DSE: variants seen among roughly 807,000 people sequenced by gnomAD.
DSE encodes dermatan sulfate epimerase, also known as dermatan-sulfate epimerase.
DSE carries 36 observed loss-of-function variants against 84.4 expected under a neutral mutation model. That is an observed-to-expected ratio of 0.43 (90% CI 0.33 to 0.56). DSE has a LOEUF of 0.56. Among genes scored for constraint, DSE ranks in the 20% least tolerant of loss-of-function variants. The pLI is 0.06. For synonymous variants in DSE, 410 were observed against 430.1 expected, an observed-to-expected ratio of 0.95 and a Z score of 0.58; for missense variants, 862 against 1,169.6, an observed-to-expected ratio of 0.74 and a Z score of 3.84.
chr6:116,323,227 G>A (rs1776430780), intron 2 of DSE, among the ~76,000 whole-genome samples: 1 of 152,080 alleles, frequency 6.6e-6, no homozygotes, highest in African/African-American at 2.4e-5. Flanking sequence ...TTTAAAATAT[G>A]TATTTTTTTC....
intron 2 of DSE, among the ~76,000 whole-genome samples, chr6:116,270,126 T>C (rs1356910941): frequency 1.3e-5 from 2 of 152,188 alleles, no homozygotes; most frequent in Non-Finnish European, 2.9e-5. Flanking sequence ...GATTACACCT[T>C]GTAAACATTC....
At chr6:116,288,738 T>C (rs896337809) in intron 2 of DSE, among the ~76,000 whole-genome samples, 1 of 152,144 alleles carries the variant, frequency 6.6e-6, no homozygotes, top group Non-Finnish European at 1.5e-5. Flanking sequence ...GCTGCTATAT[T>C]GGATCTCATG....
At chr6:116,418,417 C>T (rs575466138) in intron 2 of DSE, among the ~76,000 whole-genome samples, 1 of 152,188 alleles carries the variant, frequency 6.6e-6, no homozygotes, top group Admixed American at 6.5e-5. Context: ...GAACCACCAT[C>T]CCCTGGACCA....
chr6:116,328,252 GT>G (rs1040992254), intron 2 of DSE, among the ~76,000 whole-genome samples: 1 of 152,162 alleles, frequency 6.6e-6, no homozygotes, highest in African/African-American at 2.4e-5. Context: ...ATTCAATGCT[GT>G]TTTTTCCAGT....
rs558169619 is a variant in DSE, at chr6:116,331,740, C to T, written c.-53-67458C>T. The stretch of plus-strand genomic sequence containing the variant: ...TTGGGAGGCAGAGGCAAGCAGATCA[C>T]GAAGTCAGGGAATCGAGACCATCAT... On this transcript the variant is annotated intron_variant, in intron 2 of 3. Coordinates refer to the DSE transcript ENST00000430252. Among the ~76,000 whole-genome samples, 4 of 152,212 alleles carry T rather than the reference C, an allele frequency of 2.6e-5. No homozygotes were observed. In the East Asian group the frequency reaches 5.8e-4, roughly 22 times the overall value.
rs768769993 is a variant in DSE, at chr6:116,442,677, T to C, written c.*5332T>C. On this transcript the variant is annotated 3_prime_UTR_variant, in exon 6 of 6. Transcript: ENST00000644252. ...CTGAAAAGGCAAGCAGGGAGGCTATTGTGCAGGACTTTGTAGGACATGCTA... is the reference window on the plus strand; with the variant it reads ...CTGAAAAGGCAAGCAGGGAGGCTATCGTGCAGGACTTTGTAGGACATGCTA... The C allele has an allele frequency of 4.6e-5, 7 of 152,250 alleles. No individual in the cohort carries two copies. In the East Asian group the frequency reaches 9.7e-4, roughly 21 times the overall value. 9.4% of individuals were successfully genotyped at this position (152,250 alleles called of 1,614,324 possible).
intron 2 of DSE, among the ~76,000 whole-genome samples, chr6:116,333,136 A>G (rs1777047351): frequency 6.6e-6 from 1 of 152,236 alleles, no homozygotes; most frequent in African/African-American, 2.4e-5. Context: ...AATAGAATTT[A>G]CATATATTCA....
intron 2 of DSE, among the ~76,000 whole-genome samples, chr6:116,276,005 T>C (rs1345968021): frequency 6.6e-6 from 1 of 152,228 alleles, no homozygotes; most frequent in African/African-American, 2.4e-5. Context: ...AAGAAGGGAA[T>C]GGACTTTATC....
rs190012587 is a variant in DSE, at chr6:116,298,002, T to C, written c.-54+39035T>C. 2.9e-3 allele frequency among the ~76,000 whole-genome samples: 435 copies of C among 152,304 alleles called. 8 individuals carry two copies. The highest frequency in any genetic ancestry group is 6.5e-4 in the Non-Finnish European group (44 of 68,016). On this transcript the variant is annotated intron_variant, in intron 2 of 3. Transcript: ENST00000430252. ...CTGGCTAGTCTCAAGCAAACCAGGA[T>C]TGTTGGACACCCTGTCAGAGTTTAG...
chr6:116,320,249 A>G (rs1157796310), intron 2 of DSE, among the ~76,000 whole-genome samples: 2 of 152,160 alleles, frequency 1.3e-5, no homozygotes, highest in Non-Finnish European at 2.9e-5. Flanking sequence ...TCCTAGGTAT[A>G]TATTTTATTG....
At chr6:116,257,828 T>G (rs990369481) in intron 1 of DSE, among the ~76,000 whole-genome samples, 1 of 152,084 alleles carries the variant, frequency 6.6e-6, no homozygotes, top group African/African-American at 2.4e-5. Context: ...CTCCAAATAC[T>G]CTCACATTGG....
At chr6:116,290,550 GATTA>G (rs908352742) in intron 2 of DSE, among the ~76,000 whole-genome samples, 5 of 152,064 alleles carry the variant, frequency 3.3e-5, no homozygotes, top group East Asian at 1.9e-4. Flanking sequence ...TTCACTTGCT[GATTA>G]ATTAATTCAA....
intron 2 of DSE, among the ~76,000 whole-genome samples, chr6:116,302,448 C>G (rs1185885813): frequency 1.3e-5 from 2 of 152,112 alleles, no homozygotes; most frequent in African/African-American, 4.8e-5. Context: ...TGAGAAGTGT[C>G]TGTTCATATC....
chr6:116,372,948 G>A (rs1222067163), intron 1 of DSE, among the ~76,000 whole-genome samples: 1 of 151,884 alleles, frequency 6.6e-6, no homozygotes, highest in Non-Finnish European at 1.5e-5. Context: ...AGTATATGAC[G>A]TCAGTATCCG....
Position 116,435,861 on chromosome 6 carries a change from G to C in DSE, c.1393G>C (p.Val465Leu). Residue 465 changes from valine (V) to leucine (L), a missense_variant, in exon 6 of 6, where the codon GTG becomes CTG. Around this residue, in one of 4 missense-constraint regions of DSE, gnomAD observed 186 missense variants for 255.1 expected, o/e 0.73. Coordinates refer to ENST00000644252, the MANE Select transcript of DSE (RefSeq NM_013352.4). ...QNSFTFAPNG[V>L]PFITEALYGP... ...CTCATTTACTTTTGCTCCCAATGGTGTGCCTTTCATTACTGAGGCTCTGTA... is the reference window on the plus strand; with the variant it reads ...CTCATTTACTTTTGCTCCCAATGGTCTGCCTTTCATTACTGAGGCTCTGTA... The C allele has an allele frequency of 6.2e-7, 1 of 1,614,110 alleles. No homozygotes were observed. The highest frequency in any genetic ancestry group is 8.5e-7 in the Non-Finnish European group (1 of 1,180,020).
chr6:116,415,203 G>A (rs1171112870), intron 2 of DSE, among the ~76,000 whole-genome samples: 1 of 152,146 alleles, frequency 6.6e-6, no homozygotes, highest in African/African-American at 2.4e-5. Flanking sequence ...AAGTTTAAAG[G>A]GTAGCTTGGC....
At position 116,300,373 on chromosome 6, in the gene DSE, A is replaced by G. The variant is rs149691751; in HGVS notation, c.-54+41406A>G. Among the ~76,000 whole-genome samples, 814 of 152,356 alleles carry G rather than the reference A, an allele frequency of 5.3e-3. 9 individuals are homozygous for G. The highest frequency in any genetic ancestry group is 0.019 in the African/African-American group (785 of 41,580). On this transcript the variant is annotated intron_variant, in intron 2 of 3. Coordinates refer to the DSE transcript ENST00000430252. ...TTGAGTATTATTTTCATACAAATGC[A>G]AAAATGAAAGAAGAAAAGCCTCGCT... is the stretch of plus-strand genomic sequence containing the variant.
Position 116,436,065 on chromosome 6 carries a change from G to A in DSE, c.1597G>A (p.Gly533Arg). The A allele has an allele frequency of 6.2e-7, 1 of 1,613,978 alleles. No homozygotes were observed. The highest frequency in any genetic ancestry group is 1.1e-5 in the South Asian group (1 of 91,056). ...GGTGGTTGCAGCAGAGGAGAAAAAT[G>A]GGGTGGTTTTCATCCGAGGAGAAGG... ...GRVVAAEEKN[G>R]VVFIRGEGVG... Residue 533 changes from glycine to arginine, a missense_variant, in exon 6 of 6, where the codon GGG becomes AGG. Around this residue, in one of 4 missense-constraint regions of DSE, gnomAD observed 186 missense variants for 255.1 expected, o/e 0.73. Transcript: ENST00000644252.
intron 3 of DSE, among the ~76,000 whole-genome samples, chr6:116,429,263 T>C (rs1000563782): frequency 6.6e-6 from 1 of 152,182 alleles, no homozygotes; most frequent in Non-Finnish European, 1.5e-5. Flanking sequence ...GCCTGACAGC[T>C]GCATTGCCCC....
Sources: gnomAD v4.1 joint callset for allele counts (sites outside exome capture counted in the v4.1 genomes callset) on GRCh38, gnomAD v4.1.1 for gene constraint, gnomAD v4.1.1 regional missense constraint, MANE v1.5 for transcripts, NCBI Gene and HGNC (gene_info 2026-07-23, HGNC 2026-07-21) for gene names.